The following ENTREP2 variants were observed in gnomAD, a reference collection of about 807,000 sequenced individuals.
ENTREP2 encodes protein ENTREP2.
At chr15:29,224,226 G>A in the ENTREP2 span, among the ~76,000 whole-genome samples, 6 of 152,068 alleles carry the variant, frequency 3.9e-5, no homozygotes, top group African/African-American at 9.7e-5. Context: ...GGAGTTGTTC[G>A]TTCCTCCCGG....
At chr15:29,354,581 T>C in the ENTREP2 span, among the ~76,000 whole-genome samples, 1 of 152,036 alleles carries the variant, frequency 6.6e-6, no homozygotes, top group Non-Finnish European at 1.5e-5. Context: ...GGCTCCAAAA[T>C]AGATATTTTG....
the ENTREP2 span, among the ~76,000 whole-genome samples, chr15:29,397,986 T>C: frequency 2.0e-5 from 3 of 151,840 alleles, no homozygotes; most frequent in African/African-American, 7.3e-5. Context: ...TCAGGCATTG[T>C]TGGACTCTTT....
At chr15:29,364,267 A>G in the ENTREP2 span, among the ~76,000 whole-genome samples, 1 of 152,180 alleles carries the variant, frequency 6.6e-6, no homozygotes, top group African/African-American at 2.4e-5. Context: ...TTAAGGTCTC[A>G]GGTAAGGCAC....
the ENTREP2 span, among the ~76,000 whole-genome samples, chr15:29,313,635 T>G: frequency 1.3e-5 from 2 of 152,200 alleles, no homozygotes; most frequent in Non-Finnish European, 2.9e-5. Context: ...GTATTACTGT[T>G]TATTGACAAT....
the ENTREP2 span, among the ~76,000 whole-genome samples, chr15:29,497,479 CGATTAAATCCAAGACTTCTTTTTCTTCAT>C: frequency 6.6e-6 from 1 of 152,068 alleles, no homozygotes; most frequent in African/African-American, 2.4e-5. Flanking sequence ...TTTTTCTTCA[CGATTAAATCCAAGACTTCTTTTTCTTCAT>C]GATTAAGTCT....
the ENTREP2 span, among the ~76,000 whole-genome samples, chr15:29,254,161 C>CAAAAAAA: frequency 5.5e-4 from 34 of 61,336 alleles, no homozygotes; most frequent in Middle Eastern, 0.016. Context: ...TGTTAAAGAG[C>CAAAAAAA]AAAAAAAAAA....
At chr15:29,418,683 C>A in the ENTREP2 span, among the ~76,000 whole-genome samples, 9 of 152,320 alleles carry the variant, frequency 5.9e-5, no homozygotes, top group East Asian at 1.7e-3. Context: ...GAAATCAACT[C>A]TCTGAAAATG....
At chr15:29,502,454 G>A in the ENTREP2 span, among the ~76,000 whole-genome samples, 4 of 151,740 alleles carry the variant, frequency 2.6e-5, no homozygotes, top group Non-Finnish European at 5.9e-5. Context: ...TGAATCAAAG[G>A]CCTAAATGTA....
At chr15:29,487,169 C>G in the ENTREP2 span, among the ~76,000 whole-genome samples, 11 of 151,992 alleles carry the variant, frequency 7.2e-5, no homozygotes, top group Non-Finnish European at 1.3e-4. Context: ...TATTATTTGA[C>G]AACTAAAAAT....
chr15:29,391,558 T>C, the ENTREP2 span, among the ~76,000 whole-genome samples: 5 of 152,128 alleles, frequency 3.3e-5, no homozygotes, highest in African/African-American at 7.2e-5. Context: ...AAATACACCA[T>C]GGTCTGTTCT....
At chr15:29,379,249 C>T in the ENTREP2 span, among the ~76,000 whole-genome samples, 1 of 152,188 alleles carries the variant, frequency 6.6e-6, no homozygotes. Context: ...TTTCTGTTCT[C>T]TATTCCCTTT....
chr15:29,136,370 C>T, the ENTREP2 span: 1 of 1,502,002 alleles, frequency 6.7e-7, no homozygotes, highest in Non-Finnish European at 8.8e-7. Context: ...CCTCACCTGG[C>T]TGGCAGGGGG....
At chr15:29,595,067 C>CAAAAAAAAAAAAA in the ENTREP2 span, among the ~76,000 whole-genome samples, 4 of 86,614 alleles carry the variant, frequency 4.6e-5, no homozygotes, top group Non-Finnish European at 6.3e-5. Context: ...GACTCCGTCT[C>CAAAAAAAAAAAAA]AAAAAAAAAA....
At chr15:29,565,164 T>C in the ENTREP2 span, among the ~76,000 whole-genome samples, 2 of 152,168 alleles carry the variant, frequency 1.3e-5, no homozygotes, top group South Asian at 2.1e-4. Flanking sequence ...AAAGTATCCA[T>C]GGAAATTCAG....
At chr15:29,499,956 A>G in the ENTREP2 span, among the ~76,000 whole-genome samples, 1 of 152,194 alleles carries the variant, frequency 6.6e-6, no homozygotes, top group Non-Finnish European at 1.5e-5. Flanking sequence ...GTATACACTA[A>G]TATCAGATGA....
At chr15:29,458,962 G>A in the ENTREP2 span, among the ~76,000 whole-genome samples, 2 of 152,074 alleles carry the variant, frequency 1.3e-5, no homozygotes, top group African/African-American at 4.8e-5. Context: ...GCAGGTGTCC[G>A]GTGCTGATTC....
the ENTREP2 span, among the ~76,000 whole-genome samples, chr15:29,248,053 A>G: frequency 6.6e-6 from 1 of 152,148 alleles, no homozygotes; most frequent in Non-Finnish European, 1.5e-5. Flanking sequence ...CTCACAATAA[A>G]TGGCCCGTGG....
At chr15:29,193,167 A>G in the ENTREP2 span, among the ~76,000 whole-genome samples, 5 of 152,136 alleles carry the variant, frequency 3.3e-5, no homozygotes, top group Admixed American at 2.0e-4. Context: ...GATTTATTTT[A>G]GGTGTCAACT....
chr15:29,653,858 T>C, the ENTREP2 span, among the ~76,000 whole-genome samples: 19 of 151,898 alleles, frequency 1.3e-4, no homozygotes, highest in African/African-American at 4.6e-4. Context: ...CAGGGCATTT[T>C]CCATCTAAGA....
Sources: allele counts gnomAD v4.1 joint callset (sites outside exome capture counted in the v4.1 genomes callset), GRCh38; gene constraint gnomAD v4.1.1; transcripts MANE v1.5; gene names NCBI Gene and HGNC (gene_info 2026-07-23, HGNC 2026-07-21).